The following BMP7 variants were observed in gnomAD, a reference collection of about 807,000 sequenced individuals.
BMP7 encodes the protein bone morphogenetic protein 7.
A neutral mutation model predicts 41.2 loss-of-function variants in BMP7; 12 were observed. That is an observed-to-expected ratio of 0.29 (90% CI 0.19 to 0.47). BMP7 has a LOEUF of 0.47. Ranked by LOEUF, BMP7 falls within the 20% of genes least tolerant of loss-of-function variation. The probability of loss-of-function intolerance (pLI) is 0.99; values close to 1 mark genes in which losing one functional copy is unlikely to be tolerated. For synonymous variants in BMP7, 248 were observed against 250.0 expected (o/e 0.99, Z 0.07); for missense variants, 467 against 606.0 (o/e 0.77, Z 2.41).
rs115621415 is a variant in BMP7 at position 57,197,881 on chromosome 20, A to G, written c.760+4594T>C. Among the ~76,000 whole-genome samples, 418 of 152,310 alleles carry G rather than the reference A, an allele frequency of 2.7e-3. 3 individuals are homozygous for G. Among genetic ancestry groups the G allele is most frequent in the African/African-American group, 9.6e-3 (398 of 41,586 alleles). On this transcript the variant is annotated intron_variant, in intron 3 of 6. Coordinates refer to ENST00000395863, the MANE Select transcript of BMP7 (RefSeq NM_001719.3). ...TGAGGAGCTGTGCTATGACAGGGGCAGGGGTGCCAGAGTATGAGTGTGCAG... is the reference window on the plus strand; with the variant it reads ...TGAGGAGCTGTGCTATGACAGGGGCGGGGGTGCCAGAGTATGAGTGTGCAG...
intron 2 of BMP7, among the ~76,000 whole-genome samples, chr20:57,208,260 A>C (rs1984789892): frequency 6.6e-6 from 1 of 152,260 alleles, no homozygotes; most frequent in East Asian, 1.9e-4. Flanking sequence ...ACTGACTCCC[A>C]AAATAGAGAA....
Position 57,170,787 on chromosome 20 carries a change from C to A in BMP7, c.*172G>T. On this transcript the variant is annotated 3_prime_UTR_variant, in exon 7 of 7. Coordinates refer to ENST00000395863, the MANE Select transcript of BMP7 (RefSeq NM_001719.3). Reference sequence around the variant, plus strand: ...TTCATTGGATGCTGCCACTGAAAAACTGATCAAAAGCCATATGCTGCTCAT... The same window carrying A: ...TTCATTGGATGCTGCCACTGAAAAAATGATCAAAAGCCATATGCTGCTCAT... 1 of 837,278 alleles carries A rather than the reference C, an allele frequency of 1.2e-6. No homozygotes were observed. The highest frequency in any genetic ancestry group is 1.9e-6 in the Non-Finnish European group (1 of 529,616). The allele number at this position is 837,278 out of a possible 1,614,324, so 51.9% of individuals were successfully genotyped here. A position where few individuals can be genotyped will look rare whatever the true frequency, so the allele number is the denominator to read the frequency against.
chr20:57,240,800 C>G (rs1039079669), intron 1 of BMP7, among the ~76,000 whole-genome samples: 2 of 152,128 alleles, frequency 1.3e-5, no homozygotes, highest in Non-Finnish European at 2.9e-5. Flanking sequence ...TCATTATCAC[C>G]AAAACAGCAT....
chr20:57,229,749 C>T (rs2066021713), intron 1 of BMP7, among the ~76,000 whole-genome samples: 1 of 152,180 alleles, frequency 6.6e-6, no homozygotes, highest in African/African-American at 2.4e-5. Flanking sequence ...AGGAGAAATA[C>T]GATCAGCAAT....
At position 57,230,250 on chromosome 20, in the gene BMP7, G is replaced by A. The variant is rs779804370; in HGVS notation, c.419-1829C>T. 4.2e-4 allele frequency among the ~76,000 whole-genome samples: 64 copies of A among 152,292 alleles called. 1 individual carries two copies. The highest frequency in any genetic ancestry group is 2.4e-3 in the Admixed American group (37 of 15,304). ...TCTATGGGACAGGCCAGATGAATGG[G>A]AGAGAAGGCCATGGGGATGTCACCA... On this transcript the variant is annotated intron_variant, in intron 1 of 6. Transcript: ENST00000395863.
intron 1 of BMP7, among the ~76,000 whole-genome samples, chr20:57,231,899 G>C (rs1206229717): frequency 6.6e-6 from 1 of 152,218 alleles, no homozygotes; most frequent in African/African-American, 2.4e-5. Context: ...TGAAGAGCCC[G>C]GAAGTACAAA....
chr20:57,196,873 T>G (rs2123082999), intron 3 of BMP7, among the ~76,000 whole-genome samples: 1 of 152,268 alleles, frequency 6.6e-6, no homozygotes, highest in Middle Eastern at 3.4e-3. Flanking sequence ...TTCATCTTGA[T>G]ATCAACATGG....
In BMP7 at chr20:57,174,812, A is replaced by G; in HGVS notation, c.1035+119T>C. On this transcript the variant is annotated intron_variant, in intron 5 of 6. Transcript: ENST00000395863. The surrounding 1 kb of genome is among the most constrained non-coding windows in gnomAD (Gnocchi z 4.3). ...CCAAGTCCCCTTCCCTAGCGAGGCC[A>G]CTTGATACTGGAGTCTTAACTGGCA... is the stretch of plus-strand genomic sequence containing the variant. The G allele has an allele frequency of 8.7e-7, 1 of 1,152,334 alleles. No individual in the cohort carries two copies. Among genetic ancestry groups the G allele is most frequent in the Non-Finnish European group, 1.3e-6 (1 of 797,236 alleles). The allele number at this position is 1,152,334 out of a possible 1,614,324, so 71.4% of individuals were successfully genotyped here. A position where few individuals can be genotyped will look rare whatever the true frequency, so the allele number is the denominator to read the frequency against.
At chr20:57,232,786 A>G (rs937319534) in intron 1 of BMP7, among the ~76,000 whole-genome samples, 3 of 151,922 alleles carry the variant, frequency 2.0e-5, no homozygotes, top group African/African-American at 7.3e-5. Context: ...TCTCCCTGAA[A>G]CCCACATTGT....
chr20:57,183,977 A>G, intron 3 of BMP7, 58 bp from the exon 4 acceptor site: 1 of 1,579,652 alleles, frequency 6.3e-7, no homozygotes, highest in East Asian at 2.3e-5. Context: ...CACGAGCGGG[A>G]CAGGGCTGCA....
intron 3 of BMP7, among the ~76,000 whole-genome samples, chr20:57,192,372 C>A (rs1984389902): frequency 6.8e-6 from 1 of 146,734 alleles, no homozygotes; most frequent in African/African-American, 2.5e-5. Context: ...AAAGCACATA[C>A]TAACGTAGGT....
chr20:57,181,554 G>A (rs1331957612), intron 4 of BMP7, among the ~76,000 whole-genome samples: 3 of 151,878 alleles, frequency 2.0e-5, no homozygotes, highest in African/African-American at 7.3e-5. Context: ...CAACAAAGAT[G>A]TATTCTTTCC....
Position 57,202,617 on chromosome 20 carries a change from C to T in BMP7, c.618G>A (p.Ser206=), listed in dbSNP as rs779335170. 5.6e-6 allele frequency: 9 copies of T among 1,610,796 alleles called. No homozygotes were observed. The highest frequency in any genetic ancestry group is 2.2e-5 in the East Asian group (1 of 44,872). ...QVLQEHLGRE[S]DLFLLDSRTL... ...TACGGCTGTCGAGCAGGAAGAGATC[C>T]GATTCCCTGCGAGAGAGGAGGAGAG... Residue 206 remains serine, a synonymous_variant, in exon 3 of 7, where the codon TCG becomes TCA. Coordinates refer to ENST00000395863, the MANE Select transcript of BMP7 (RefSeq NM_001719.3).
Position 57,170,695 on chromosome 20 carries a change from G to A in BMP7, c.*264C>T, listed in dbSNP as rs190857806. ...ACTTCCCAGCCAATGACCTGGCCCGGCCATTTTTCTTTATGCGTTGTTTTT... is the reference window on the plus strand; with the variant it reads ...ACTTCCCAGCCAATGACCTGGCCCGACCATTTTTCTTTATGCGTTGTTTTT... On this transcript the variant is annotated 3_prime_UTR_variant, in exon 7 of 7. Transcript: ENST00000395863. 2.3e-6 allele frequency: 1 copy of A among 437,256 alleles called. No individual in the cohort carries two copies. The highest frequency in any genetic ancestry group is 3.5e-5 in the Admixed American group (1 of 28,814). 27.1% of individuals were successfully genotyped at this position (437,256 alleles called of 1,614,324 possible).
At chr20:57,225,612 C>T (rs1203847232) in intron 2 of BMP7, among the ~76,000 whole-genome samples, 1 of 152,144 alleles carries the variant, frequency 6.6e-6, no homozygotes, top group Non-Finnish European at 1.5e-5. Context: ...GATTTGAATC[C>T]ATGCTCTTAA....
intron 2 of BMP7, among the ~76,000 whole-genome samples, chr20:57,220,006 G>A (rs558723961): frequency 6.6e-6 from 1 of 152,198 alleles, no homozygotes; most frequent in Non-Finnish European, 1.5e-5. Flanking sequence ...GGGAAAGGGA[G>A]GGAAAGGGAT....
rs970541308 is a variant in BMP7, at chr20:57,224,180, G to A, written c.611+4049C>T. Among the ~76,000 whole-genome samples the A allele has an allele frequency of 6.6e-6, 1 of 152,196 alleles. No homozygotes were observed. Among genetic ancestry groups the A allele is most frequent in the East Asian group, 1.9e-4 (1 of 5,186 alleles). On this transcript the variant is annotated intron_variant, in intron 2 of 6. Transcript: ENST00000395863. The surrounding 1 kb of genome is among the most constrained non-coding windows in gnomAD (Gnocchi z 4.8). ...CCTGTGTGGTGGGGACAGGCAGGGG[G>A]CAGCTCCCTCTTCCTCAGAGTGACT...
At chr20:57,173,778 C>T (rs1338901371) in intron 5 of BMP7, among the ~76,000 whole-genome samples, 3 of 152,214 alleles carry the variant, frequency 2.0e-5, no homozygotes, top group Non-Finnish European at 2.9e-5. Context: ...GCTCTACCCC[C>T]ACTAGGTGGT....
Position 57,174,803 on chromosome 20 carries a change from A to G in BMP7, c.1035+128T>C. 9.7e-7 allele frequency: 1 copy of G among 1,026,150 alleles called. No homozygotes were observed. The allele number at this position is 1,026,150 out of a possible 1,614,324, so 63.6% of individuals were successfully genotyped here. ...ATCCTTAGCCCAAGTCCCCTTCCCT[A>G]GCGAGGCCACTTGATACTGGAGTCT... On this transcript the variant is annotated intron_variant, in intron 5 of 6. Transcript: ENST00000395863. This position sits in a 1 kb window ranked among gnomAD's most constrained non-coding sequence, Gnocchi z 4.3.
Sources: gnomAD v4.1 joint callset for allele counts (sites outside exome capture counted in the v4.1 genomes callset) on GRCh38, gnomAD v4.1.1 for gene constraint, Gnocchi (gnomAD v3.1) non-coding constraint, MANE v1.5 for transcripts, NCBI Gene and HGNC (gene_info 2026-07-23, HGNC 2026-07-21) for gene names.